The following SGIP1 variants were observed in gnomAD, a reference collection of about 807,000 sequenced individuals.
SGIP1 encodes SH3GL interacting endocytic adaptor 1.
SGIP1 carries 38 observed loss-of-function variants against 107.5 expected under a neutral mutation model. The ratio of observed to expected loss-of-function variants is 0.35; its 90% CI spans 0.27 to 0.46. The LOEUF (loss-of-function observed/expected upper bound fraction) is 0.46. SGIP1 is among the 20% of genes least tolerant of loss of function. The pLI is 1.00. For missense variants in SGIP1, 929 were observed against 1,019.5 expected, an observed-to-expected ratio of 0.91 and a Z score of 1.21; for synonymous variants, 365 against 366.1, an observed-to-expected ratio of 1.00 and a Z score of 0.03.
At chr1:66,703,145 T>C (rs2092136737) in intron 18 of SGIP1, among the ~76,000 whole-genome samples, 1 of 152,208 alleles carries the variant, frequency 6.6e-6, no homozygotes, top group African/African-American at 2.4e-5. Context: ...GTCCATGAGC[T>C]CTTCTAGCTA....
intron 2 of SGIP1, among the ~76,000 whole-genome samples, chr1:66,629,877 G>T (rs137875986): frequency 3.3e-5 from 5 of 152,286 alleles, no homozygotes; most frequent in Middle Eastern, 3.4e-3. Flanking sequence ...ATGTTCTAGA[G>T]ACTGTCTCAG....
intron 1 of SGIP1, among the ~76,000 whole-genome samples, chr1:66,620,008 C>T (rs1015137060): frequency 2.0e-5 from 3 of 152,200 alleles, no homozygotes; most frequent in Admixed American, 6.5e-5. Flanking sequence ...CTAAAGGTTT[C>T]CTCTAAACAA....
Position 66,690,784 on chromosome 1 carries a change from C to T in SGIP1, c.1570+468C>T, listed in dbSNP as rs147135154. ...TTATGTTGACAGATGATATAAACAT[C>T]GGCACTGTGAGACTTGAGCAAACTT... On this transcript the variant is annotated intron_variant, in intron 17 of 24. Transcript: ENST00000371037. Among the ~76,000 whole-genome samples, 108 of 152,292 alleles carry T rather than the reference C, an allele frequency of 7.1e-4. 1 individual carries two copies. The East Asian group carries it at 0.017, about 23-fold the overall frequency.
chr1:66,630,881 A>AAG (rs2074277217), intron 2 of SGIP1, among the ~76,000 whole-genome samples: 1 of 61,458 alleles, frequency 1.6e-5, no homozygotes, highest in Non-Finnish European at 3.0e-5. Flanking sequence ...GAAAGAAAGA[A>AAG]AGAAAGAAAG....
At chr1:66,637,470 T>C (rs2076017581) in intron 4 of SGIP1, among the ~76,000 whole-genome samples, 1 of 134,206 alleles carries the variant, frequency 7.5e-6, no homozygotes. Flanking sequence ...TGTGTGTGTG[T>C]GTGTGTGTGT....
At chr1:66,694,060 G>A (rs541212548) in intron 17 of SGIP1, among the ~76,000 whole-genome samples, 1 of 152,288 alleles carries the variant, frequency 6.6e-6, no homozygotes, top group South Asian at 2.1e-4. Flanking sequence ...CTTGTTGATG[G>A]ACATATGTCT....
At chr1:66,646,367 C>T (rs2077664686) in intron 7 of SGIP1, among the ~76,000 whole-genome samples, 1 of 152,176 alleles carries the variant, frequency 6.6e-6, no homozygotes, top group South Asian at 2.1e-4. Context: ...TTTATTTAAA[C>T]TATGGTTTTT....
At chr1:66,557,155 C>A (rs569798142) in intron 1 of SGIP1, among the ~76,000 whole-genome samples, 1 of 152,236 alleles carries the variant, frequency 6.6e-6, no homozygotes, top group South Asian at 2.1e-4. Context: ...CACATCTCAA[C>A]AGGTCTGTTA....
At chr1:66,677,825 A>G (rs1247852599) in intron 13 of SGIP1, among the ~76,000 whole-genome samples, 2 of 152,182 alleles carry the variant, frequency 1.3e-5, no homozygotes, top group Non-Finnish European at 2.9e-5. Flanking sequence ...TTTCAAAAAA[A>G]GGTGTTTGGG....
intron 21 of SGIP1, among the ~76,000 whole-genome samples, chr1:66,737,428 C>T (rs906738494): frequency 3.9e-4 from 59 of 152,056 alleles, no homozygotes; most frequent in African/African-American, 1.4e-3. Context: ...CACGGTGGCT[C>T]ATGTCTGTAA....
intron 7 of SGIP1, among the ~76,000 whole-genome samples, chr1:66,645,234 G>T (rs1048732012): frequency 6.6e-6 from 1 of 152,144 alleles, no homozygotes; most frequent in Non-Finnish European, 1.5e-5. Context: ...CAAATGTACC[G>T]GCACAGTCCC....
At chr1:66,590,067 T>G (rs1454792774) in intron 1 of SGIP1, among the ~76,000 whole-genome samples, 1 of 152,210 alleles carries the variant, frequency 6.6e-6, no homozygotes, top group African/African-American at 2.4e-5. Flanking sequence ...AAGGGATTTT[T>G]GCATCCCCTA....
chr1:66,661,853 C>G lies in SGIP1; in HGVS notation c.471+1329C>G, dbSNP rs190570975. ...CTGTTGTCCTTCACGGCAATTTTAACTACAAGAATATCCCCCCCATCATTC... is the reference window on the plus strand; with the variant it reads ...CTGTTGTCCTTCACGGCAATTTTAAGTACAAGAATATCCCCCCCATCATTC... On this transcript the variant is annotated intron_variant, in intron 8 of 24. Transcript: ENST00000371037. Among the ~76,000 whole-genome samples, 205 of 152,172 alleles carry G rather than the reference C, an allele frequency of 1.3e-3. 1 individual carries two copies. Among genetic ancestry groups the G allele is most frequent in the African/African-American group, 4.9e-3 (202 of 41,514 alleles).
At chr1:66,732,235 GA>G (rs927888662) in intron 20 of SGIP1, among the ~76,000 whole-genome samples, 107 of 152,244 alleles carry the variant, frequency 7.0e-4, no homozygotes, top group African/African-American at 2.5e-3. Context: ...GTTATTTGTA[GA>G]ACTGATATGG....
At chr1:66,688,251 C>T (rs1353068200) in intron 15 of SGIP1, among the ~76,000 whole-genome samples, 2 of 152,140 alleles carry the variant, frequency 1.3e-5, no homozygotes, top group East Asian at 1.9e-4. Flanking sequence ...TGAACAAGAA[C>T]GGTTTGAACG....
At chr1:66,690,437 A>G in intron 17 of SGIP1, 121 bp downstream of exon 17, 1 of 1,368,230 alleles carries the variant, frequency 7.3e-7, no homozygotes, top group Non-Finnish European at 1.0e-6. Context: ...TTTTGCTACT[A>G]TTACCTGACT....
chr1:66,639,522 C>T (rs1488707974), intron 4 of SGIP1, among the ~76,000 whole-genome samples: 4 of 152,170 alleles, frequency 2.6e-5, no homozygotes, highest in African/African-American at 9.7e-5. Flanking sequence ...AACAGTTCAT[C>T]GTTAATATCC....
At chr1:66,589,200 A>ATGTGTG (rs1456595605) in intron 1 of SGIP1, among the ~76,000 whole-genome samples, 12 of 54,474 alleles carry the variant, frequency 2.2e-4, no homozygotes, top group South Asian at 1.4e-3. Flanking sequence ...ATATATATAT[A>ATGTGTG]TATATATATA....
chr1:66,653,722 G>GT (rs1318772253), intron 7 of SGIP1, among the ~76,000 whole-genome samples: 6 of 152,158 alleles, frequency 3.9e-5, no homozygotes, highest in Non-Finnish European at 7.4e-5. Context: ...GATGGCCTCA[G>GT]TAGAAGTAGC....
Sources: allele counts gnomAD v4.1 joint callset (sites outside exome capture counted in the v4.1 genomes callset), GRCh38; gene constraint gnomAD v4.1.1; transcripts MANE v1.5; gene names NCBI Gene and HGNC (gene_info 2026-07-23, HGNC 2026-07-21).